The following OSBPL2 variants were observed in gnomAD, a reference collection of about 807,000 sequenced individuals.
OSBPL2 encodes oxysterol-binding protein-related protein 2.
OSBPL2 carries 18 observed loss-of-function variants against 58.4 expected under a neutral mutation model. The observed-to-expected ratio is 0.31, with a 90% CI of 0.21 to 0.46. OSBPL2 has a LOEUF of 0.46. Ranked by LOEUF, OSBPL2 falls within the 20% of genes least tolerant of loss-of-function variation. OSBPL2 has a pLI of 1.00. For synonymous variants in OSBPL2, 221 were observed against 234.1 expected (o/e 0.94, Z 0.51); for missense variants, 461 against 616.5 (o/e 0.75, Z 2.67).
intron 4 of OSBPL2, among the ~76,000 whole-genome samples, chr20:62,268,201 G>A (rs1273413322): frequency 6.6e-6 from 1 of 152,004 alleles, no homozygotes; most frequent in Admixed American, 6.6e-5. Flanking sequence ...CCGGCCAAAT[G>A]ACTGCATTTT....
intron 1 of OSBPL2, among the ~76,000 whole-genome samples, chr20:62,253,425 C>T (rs1265391575): frequency 6.6e-6 from 1 of 152,204 alleles, no homozygotes; most frequent in African/African-American, 2.4e-5. Context: ...CAGCCTTTTC[C>T]CATGTACTGG....
In OSBPL2 at chr20:62,288,559, CGGAGGCTGTGGGTGCAGAGGCTG is replaced by C. The variant is rs1356497092; in HGVS notation, c.1126-626_1126-604del. ...GCTGGGAGGCTGTGGGTGCAGAGGCCGGAGGCTGTGGGTGCAGAGGCTGGGAGGCTGTGGGTGCAGAGGCCGAA... is the reference window on the plus strand; with the variant it reads ...GCTGGGAGGCTGTGGGTGCAGAGGCCGGAGGCTGTGGGTGCAGAGGCCGAA... On this transcript the variant is annotated intron_variant, in intron 11 of 13. Coordinates refer to ENST00000313733, the MANE Select transcript of OSBPL2 (RefSeq NM_144498.4). This position sits in a 1 kb window ranked among gnomAD's most constrained non-coding sequence, Gnocchi z 4.8. Among the ~76,000 whole-genome samples the C allele has an allele frequency of 2.2e-5, 3 of 135,002 alleles. No individual in the cohort carries two copies. The highest frequency in any genetic ancestry group is 2.2e-4 in the East Asian group (1 of 4,572). 88.6% of individuals were successfully genotyped at this position (135,002 alleles called of 152,430 possible). A position where few individuals can be genotyped will look rare whatever the true frequency, so the allele number is the denominator to read the frequency against.
chr20:62,247,439 C>T (rs186834277), intron 1 of OSBPL2, among the ~76,000 whole-genome samples: 117 of 152,274 alleles, frequency 7.7e-4, no homozygotes, highest in African/African-American at 2.6e-3. Flanking sequence ...TGCCTCCCTG[C>T]GAAGCTCAGC....
chr20:62,244,635 A>G (rs1979972321), intron 1 of OSBPL2, among the ~76,000 whole-genome samples: 1 of 152,252 alleles, frequency 6.6e-6, no homozygotes, highest in Non-Finnish European at 1.5e-5. Context: ...ATTACAAGGT[A>G]ATGTTCCTCG....
intron 6 of OSBPL2, among the ~76,000 whole-genome samples, chr20:62,273,667 C>T (rs775409477): frequency 1.2e-4 from 18 of 152,190 alleles, no homozygotes; most frequent in Non-Finnish European, 2.2e-4. Context: ...GTGGAGATAG[C>T]GCGCACTGTA....
intron 1 of OSBPL2, among the ~76,000 whole-genome samples, chr20:62,248,577 G>T (rs1164275693): frequency 6.6e-6 from 1 of 152,216 alleles, no homozygotes; most frequent in South Asian, 2.1e-4. Context: ...GATGGACAGA[G>T]TAACAACATG....
intron 1 of OSBPL2, among the ~76,000 whole-genome samples, chr20:62,239,316 A>G (rs903615166): frequency 1.3e-5 from 2 of 152,258 alleles, no homozygotes; most frequent in African/African-American, 2.4e-5. Context: ...TTCGCCAGTT[A>G]TATTTTGGTA....
At chr20:62,285,815 G>A (rs1388984755) in intron 10 of OSBPL2, 1 of 152,854 alleles carries the variant, frequency 6.5e-6, no homozygotes, top group African/African-American at 2.4e-5. Context: ...CTCCACGAAG[G>A]GAAACGCCTG....
At chr20:62,275,553 T>C (rs1205766847) in intron 6 of OSBPL2, among the ~76,000 whole-genome samples, 2 of 152,198 alleles carry the variant, frequency 1.3e-5, no homozygotes, top group Non-Finnish European at 2.9e-5. Flanking sequence ...GCTCAAGTTA[T>C]CTTCCCACCT....
chr20:62,250,569 G>A (rs1980458115), intron 1 of OSBPL2, among the ~76,000 whole-genome samples: 1 of 152,168 alleles, frequency 6.6e-6, no homozygotes, highest in Non-Finnish European at 1.5e-5. Context: ...TTTCCCATAA[G>A]CTGTGATTGA....
intron 1 of OSBPL2, among the ~76,000 whole-genome samples, chr20:62,243,301 G>A (rs559911827): frequency 7.2e-5 from 11 of 152,286 alleles, no homozygotes; most frequent in Admixed American, 2.0e-4. Context: ...ATCATCACCC[G>A]TCTTCCAAGT....
At chr20:62,238,760 A>G (rs1445270589) in intron 1 of OSBPL2, among the ~76,000 whole-genome samples, 163 bp downstream of exon 1, 1 of 150,522 alleles carries the variant, frequency 6.6e-6, no homozygotes, top group East Asian at 2.0e-4. Flanking sequence ...CCCGGCCTCG[A>G]CCCCCACTGG....
intron 6 of OSBPL2, among the ~76,000 whole-genome samples, chr20:62,276,983 T>C (rs1459047532): frequency 6.6e-6 from 1 of 151,658 alleles, no homozygotes; most frequent in African/African-American, 2.4e-5. Flanking sequence ...GCGTGGTGGC[T>C]CACGCCTGTA....
chr20:62,265,576 T>A (rs927440678), intron 4 of OSBPL2, among the ~76,000 whole-genome samples: 5 of 152,224 alleles, frequency 3.3e-5, no homozygotes, highest in African/African-American at 1.2e-4. Flanking sequence ...TGAGGTATCA[T>A]TGCCTGCAGG....
chr20:62,256,404 T>G (rs982007420), intron 2 of OSBPL2, among the ~76,000 whole-genome samples, 183 bp downstream of exon 2: 1 of 152,198 alleles, frequency 6.6e-6, no homozygotes, highest in East Asian at 1.9e-4. Context: ...GGGAAAAGCC[T>G]TGACTTTGGC....
At chr20:62,292,400 G>T (rs554017980) in intron 13 of OSBPL2, among the ~76,000 whole-genome samples, 2 of 152,198 alleles carry the variant, frequency 1.3e-5, no homozygotes, top group Non-Finnish European at 2.9e-5. Context: ...ATTAAATCCC[G>T]TGTGCTGTGC....
chr20:62,265,242 C>T (rs1446531976), intron 4 of OSBPL2, among the ~76,000 whole-genome samples: 5 of 152,056 alleles, frequency 3.3e-5, no homozygotes, highest in Non-Finnish European at 7.4e-5. Context: ...TATATTTATT[C>T]AGTTATTTAT....
chr20:62,271,058 C>G (rs1325028314), intron 4 of OSBPL2, among the ~76,000 whole-genome samples: 2 of 152,010 alleles, frequency 1.3e-5, no homozygotes, highest in Non-Finnish European at 2.9e-5. Context: ...TCCTTCTCTC[C>G]TTGTCCCTCT....
chr20:62,293,689 T>C, intron 13 of OSBPL2, 96 bp from the exon 14 acceptor site: 1 of 1,026,812 alleles, frequency 9.7e-7, no homozygotes, highest in Non-Finnish European at 1.4e-6. Flanking sequence ...ACCGTGATGG[T>C]GCTGAGTTGG....
Sources: gnomAD v4.1 joint callset for allele counts (sites outside exome capture counted in the v4.1 genomes callset) on GRCh38, gnomAD v4.1.1 for gene constraint, Gnocchi (gnomAD v3.1) non-coding constraint, MANE v1.5 for transcripts, NCBI Gene and HGNC (gene_info 2026-07-23, HGNC 2026-07-21) for gene names.